INPP5E: variants seen among roughly 807,000 people sequenced by gnomAD.
INPP5E encodes phosphatidylinositol polyphosphate 5-phosphatase type IV.
Under a neutral mutation model 50.5 loss-of-function variants are expected in INPP5E, and 34 were observed. That is an observed-to-expected ratio of 0.67 (90% CI 0.51 to 0.90). The LOEUF is 0.90. Ranked by LOEUF, INPP5E falls within the 40% of genes least tolerant of loss-of-function variation. INPP5E has a pLI of 0.00. For synonymous variants in INPP5E, 447 were observed against 406.0 expected (o/e 1.10, Z -1.21); for missense variants, 942 against 905.5 (o/e 1.04, Z -0.52).
chr9:136,436,500 T>C (rs895604005), intron 1 of INPP5E: 1 of 152,344 alleles, frequency 6.6e-6, no homozygotes, highest in African/African-American at 2.4e-5. Context: ...GCCAGGACAC[T>C]GCACAGCTTC....
rs758796987 is a variant in INPP5E at position 136,439,263 on chromosome 9, T to C, written c.157A>G (p.Ser53Gly). The C allele has an allele frequency of 5.4e-6, 8 of 1,489,416 alleles. No individual in the cohort carries two copies. The South Asian group carries it at 7.8e-5, about 14-fold the overall frequency. 92.3% of individuals were successfully genotyped at this position (1,489,416 alleles called of 1,614,324 possible). The part of the protein sequence containing the change: ...PGSESPALAC[S>G]TPATPSGEDP... The stretch of plus-strand genomic sequence containing the variant: ...TCGCCGCTGGGCGTGGCCGGAGTGC[T>C]GCAGGCAAGCGCGGGGCTCTCGGAG... Residue 53 changes from serine (S) to glycine (G), a missense_variant, in exon 1 of 10, where the codon AGC (serine) becomes GGC (glycine). By Grantham distance (56) the Ser-to-Gly change is moderately conservative. Transcript: ENST00000371712.
chr9:136,434,665 G>A (rs1835790747), intron 2 of INPP5E, 75 bp downstream of exon 2: 2 of 1,541,758 alleles, frequency 1.3e-6, no homozygotes, highest in Admixed American at 3.9e-5. Context: ...GCACAGAGCT[G>A]CCCCGTCCCC....
chr9:136,430,468 C>G (rs536248095), intron 8 of INPP5E, 55 bp from the exon 9 acceptor site: 79 of 1,546,820 alleles, frequency 5.1e-5, no homozygotes, highest in Non-Finnish European at 6.9e-5. Context: ...AGCCGTGGGG[C>G]GTGGCCCGCT....
intron 9 of INPP5E, 129 bp downstream of exon 9, chr9:136,430,148 G>C: frequency 8.1e-7 from 1 of 1,234,472 alleles, no homozygotes; most frequent in South Asian, 1.4e-5. Flanking sequence ...CGATCCCGGG[G>C]AACACAGCCC....
In INPP5E at chr9:136,428,749, A is replaced by G. The variant is rs1128877; in HGVS notation, c.*926T>C. On this transcript the variant is annotated 3_prime_UTR_variant, in exon 10 of 10. Coordinates refer to ENST00000371712, the MANE Select transcript of INPP5E (RefSeq NM_019892.6). Reference sequence around the variant, plus strand: ...TTTTTCAAGAGATGGAATGGGACACAAAGCAAGAATGAACGGTTCTATACT... The same window carrying G: ...TTTTTCAAGAGATGGAATGGGACACGAAGCAAGAATGAACGGTTCTATACT... 17,243 of 152,640 alleles carry G rather than the reference A, an allele frequency of 0.11. 1,179 individuals carry two copies. The highest frequency in any genetic ancestry group is 0.2 in the Admixed American group (3,027 of 15,280). The allele number at this position is 152,640 out of a possible 1,614,324, so 9.5% of individuals were successfully genotyped here.
intron 1 of INPP5E, 130 bp from the exon 2 acceptor site, chr9:136,434,993 C>G (rs890747163): frequency 1.6e-5 from 18 of 1,133,776 alleles, no homozygotes; most frequent in African/African-American, 4.6e-5. Context: ...AGCAAGGACT[C>G]TCCTGGCCCC....
intron 1 of INPP5E, chr9:136,436,010 C>T (rs1023433027): frequency 6.6e-6 from 1 of 152,242 alleles, no homozygotes; most frequent in South Asian, 2.1e-4. Context: ...TTGTGCGGCT[C>T]CTTCTGGATA....
Position 136,428,888 on chromosome 9 carries a change from G to C in INPP5E, c.*787C>G, listed in dbSNP as rs1835633633. 1.3e-5 allele frequency: 2 copies of C among 152,510 alleles called. No individual in the cohort carries two copies. Among genetic ancestry groups the C allele is most frequent in the African/African-American group, 4.8e-5 (2 of 41,444 alleles). The allele number at this position is 152,510 out of a possible 1,614,324, so 9.4% of individuals were successfully genotyped here. Reference sequence around the variant, plus strand: ...CCGGTTCCACTAATGTCATTCCGCGGCTGGAGTTAAAGAAGCAAACGGTCT... The same window carrying C: ...CCGGTTCCACTAATGTCATTCCGCGCCTGGAGTTAAAGAAGCAAACGGTCT... On this transcript the variant is annotated 3_prime_UTR_variant, in exon 10 of 10. Transcript: ENST00000371712.
Position 136,434,132 on chromosome 9 carries a change from C to A in INPP5E, c.939G>T (p.Glu313Asp). The A allele has an allele frequency of 1.2e-6, 2 of 1,604,680 alleles. No individual in the cohort carries two copies. Among genetic ancestry groups the A allele is most frequent in the Non-Finnish European group, 1.7e-6 (2 of 1,177,282 alleles). The change falls in exon 3 of 10, where the codon GAG becomes GAT. Residue 313 changes from glutamate (E) to aspartate (D), a missense_variant and splice_region_variant. Physicochemically the swap from Glu to Asp is conservative, Grantham distance 45 (BLOSUM62 2). Transcript: ENST00000371712. ...VATWNMQGQK[E>D]LPPSLDEFLL... is the part of the protein sequence containing the mutation. ...GGAACTCGTCCAGGCTGGGCGGGAGCTCCTGGAAGGAGGGAGCATGTGGTG... is the reference window on the plus strand; with the variant it reads ...GGAACTCGTCCAGGCTGGGCGGGAGATCCTGGAAGGAGGGAGCATGTGGTG...
intron 5 of INPP5E, 80 bp from the exon 6 acceptor site, chr9:136,432,666 G>A (rs998783537): frequency 6.8e-6 from 7 of 1,033,152 alleles, no homozygotes; most frequent in African/African-American, 1.6e-5. Flanking sequence ...TCTGGACTGT[G>A]CCCTGACTGC....
chr9:136,438,526 G>A, intron 1 of INPP5E, 82 bp downstream of exon 1: 3 of 1,231,466 alleles, frequency 2.4e-6, no homozygotes, highest in Admixed American at 2.0e-5. Context: ...CGCTGCTGAT[G>A]GGAACGGTCT....
At chr9:136,435,788 C>T (rs1046918498) in intron 1 of INPP5E, 2 of 152,198 alleles carry the variant, frequency 1.3e-5, no homozygotes, top group Non-Finnish European at 2.9e-5. Flanking sequence ...GATGTGGACA[C>T]AAGGGGTGCA....
Position 136,431,062 on chromosome 9 carries a change from C to G in INPP5E, c.1605G>C (p.Lys535Asn). 1 of 1,613,330 alleles carries G rather than the reference C, an allele frequency of 6.2e-7. No individual in the cohort carries two copies. Among genetic ancestry groups the G allele is most frequent in the Non-Finnish European group, 8.5e-7 (1 of 1,179,686 alleles). ...EPDIHFLPSY[K>N]FDIGKDTYDS... Reference sequence around the variant, plus strand: ...CGTACGTGTCCTTCCCGATGTCAAACTTGTATGATGGGAGGAAGTGGATGT... The same window carrying G: ...CGTACGTGTCCTTCCCGATGTCAAAGTTGTATGATGGGAGGAAGTGGATGT... Residue 535 changes from lysine to asparagine, a missense_variant, in exon 8 of 10, where the codon AAG becomes AAC. Transcript: ENST00000371712.
chr9:136,429,097 G>A lies in INPP5E; in HGVS notation c.*578C>T, dbSNP rs903576273. 5.6e-6 allele frequency: 1 copy of A among 177,974 alleles called. No homozygotes were observed. Among genetic ancestry groups the A allele is most frequent in the African/African-American group, 2.4e-5 (1 of 42,376 alleles). The allele number at this position is 177,974 out of a possible 1,614,324, so 11.0% of individuals were successfully genotyped here. A position where few individuals can be genotyped will look rare whatever the true frequency, so the allele number is the denominator to read the frequency against. ...GCAGGCGACTTGCAGCCAAGTGGAG[G>A]GGAACCGTGCCACGTCCTGGAGGCT... On this transcript the variant is annotated 3_prime_UTR_variant, in exon 10 of 10. Transcript: ENST00000371712.
chr9:136,430,587 T>C (rs915303872), intron 8 of INPP5E, among the ~76,000 whole-genome samples, 174 bp from the exon 9 acceptor site: 1 of 152,220 alleles, frequency 6.6e-6, no homozygotes, highest in Non-Finnish European at 1.5e-5. Flanking sequence ...CCAGGGCCTG[T>C]CCCTCGCCGC....
In INPP5E at chr9:136,438,956, G is replaced by C; in HGVS notation, c.464C>G (p.Ser155Cys). 1 of 1,571,748 alleles carries C rather than the reference G, an allele frequency of 6.4e-7. No individual in the cohort carries two copies. The highest frequency in any genetic ancestry group is 1.9e-5 in the Admixed American group (1 of 52,916). ...CCCAGAGAGAGGGTTACCCCCCGAGGACGGGCTCCCTCTCTCACTGCTCAG... is the reference window on the plus strand; with the variant it reads ...CCCAGAGAGAGGGTTACCCCCCGAGCACGGGCTCCCTCTCTCACTGCTCAG... ...GVLSSERGSP[S>C]SGGNPLSGVA... The change falls in exon 1 of 10, where the codon TCC becomes TGC. Residue 155 changes from serine to cysteine, a missense_variant. By Grantham distance (112) the Ser-to-Cys change is moderately radical. Transcript: ENST00000371712.
chr9:136,439,171 G>A lies in INPP5E; in HGVS notation c.249C>T (p.Ala83=), dbSNP rs1258325877. 6.4e-7 allele frequency: 1 copy of A among 1,563,538 alleles called. No homozygotes were observed. ...RPPARPRLER[A]LSLDDKGWRR... ...TCCAGCCCTTGTCGTCCAGGGACAGGGCTCGCTCCAGTCGAGGCCTGGCGG... is the reference window on the plus strand; with the variant it reads ...TCCAGCCCTTGTCGTCCAGGGACAGAGCTCGCTCCAGTCGAGGCCTGGCGG... Residue 83 remains alanine, a synonymous_variant, in exon 1 of 10, where the codon GCC becomes GCT. Transcript: ENST00000371712.
chr9:136,432,506 C>G lies in INPP5E; in HGVS notation c.1360G>C (p.Asp454His). 1 of 1,551,254 alleles carries G rather than the reference C, an allele frequency of 6.4e-7. No individual in the cohort carries two copies. The highest frequency in any genetic ancestry group is 8.7e-7 in the Non-Finnish European group (1 of 1,146,994). The change falls in exon 6 of 10, where the codon GAC (aspartate) becomes CAC (histidine). Residue 454 changes from aspartate (D) to histidine (H), a missense_variant. Coordinates refer to ENST00000371712, the MANE Select transcript of INPP5E (RefSeq NM_019892.6). Reference protein sequence around the residue: ...QALVLPRNVPDTNPYRSSAAD... With the variant: ...QALVLPRNVPHTNPYRSSAAD... Reference sequence around the variant, plus strand: ...GCGCTGGAGCGATAGGGGTTGGTGTCGGGCACATTTCTGGGCAGGACCAGG... The same window carrying G: ...GCGCTGGAGCGATAGGGGTTGGTGTGGGGCACATTTCTGGGCAGGACCAGG...
Position 136,439,339 on chromosome 9 carries a change from A to G in INPP5E, c.81T>C (p.Leu27=). 1 of 1,423,032 alleles carries G rather than the reference A, an allele frequency of 7.0e-7. No individual in the cohort carries two copies. The highest frequency in any genetic ancestry group is 1.5e-5 in the South Asian group (1 of 67,598). The allele number at this position is 1,423,032 out of a possible 1,614,324, so 88.2% of individuals were successfully genotyped here. A position where few individuals can be genotyped will look rare whatever the true frequency, so the allele number is the denominator to read the frequency against. Residue 27 remains leucine, a synonymous_variant, in exon 1 of 10, where the codon CTT becomes CTC. Coordinates refer to ENST00000371712, the MANE Select transcript of INPP5E (RefSeq NM_019892.6). ...PPEGRTLQGQ[L]PGAPPAQRAG... Reference sequence around the variant, plus strand: ...CGCGCTGGGCCGGCGGAGCGCCGGGAAGCTGTCCTTGGAGCGTCCTCCCTT... The same window carrying G: ...CGCGCTGGGCCGGCGGAGCGCCGGGGAGCTGTCCTTGGAGCGTCCTCCCTT...
Sources: allele counts gnomAD v4.1 joint callset (sites outside exome capture counted in the v4.1 genomes callset), GRCh38; gene constraint gnomAD v4.1.1; transcripts MANE v1.5; gene names NCBI Gene and HGNC (gene_info 2026-07-23, HGNC 2026-07-21).